The following NBAS variants were observed in gnomAD, a reference collection of about 807,000 sequenced individuals.
NBAS encodes NAG/BC035112 fusion.
Under a neutral mutation model 302.5 loss-of-function variants are expected in NBAS, and 219 were observed. The ratio of observed to expected loss-of-function variants is 0.72; its 90% CI spans 0.65 to 0.81. The LOEUF (loss-of-function observed/expected upper bound fraction) is 0.81, where lower values mean the gene tolerates loss of function less well. Ranked by LOEUF, NBAS falls within the 30% of genes least tolerant of loss-of-function variation. The probability of loss-of-function intolerance (pLI) is 0.00; values close to 1 mark genes in which losing one functional copy is unlikely to be tolerated. For synonymous variants in NBAS, 1,118 were observed against 1,021.6 expected (o/e 1.09, Z -1.80); for missense variants, 2,932 against 2,841.6 (o/e 1.03, Z -0.72).
chr2:14,810,981 G>A, the NBAS span, among the ~76,000 whole-genome samples: 1 of 152,352 alleles, frequency 6.6e-6, no homozygotes, highest in African/African-American at 2.4e-5. Flanking sequence ...CAGATCAGAA[G>A]TGAGGTAAGA....
the NBAS span, among the ~76,000 whole-genome samples, chr2:14,909,147 C>T: frequency 6.6e-6 from 1 of 151,698 alleles, no homozygotes; most frequent in African/African-American, 2.4e-5. Context: ...GGTGAAACCC[C>T]GTCTCTACTA....
chr2:15,144,425 T>A, the NBAS span, among the ~76,000 whole-genome samples: 1 of 152,240 alleles, frequency 6.6e-6, no homozygotes, highest in Non-Finnish European at 1.5e-5. Context: ...GAATGACTTT[T>A]ATGTTTGGCT....
chr2:14,887,129 C>A, the NBAS span, among the ~76,000 whole-genome samples: 452 of 152,284 alleles, frequency 3.0e-3, 9 homozygotes, highest in Non-Finnish European at 9.6e-4. Context: ...GGTGGCCAGG[C>A]ATGCTGGCTC....
chr2:15,183,455 A>G (rs1001975022), intron 50 of NBAS, among the ~76,000 whole-genome samples: 1 of 152,270 alleles, frequency 6.6e-6, no homozygotes, highest in African/African-American at 2.4e-5. Flanking sequence ...GATTTAACCC[A>G]GTACCTTGTC....
intron 11 of NBAS, among the ~76,000 whole-genome samples, chr2:15,492,475 G>A (rs905185958): frequency 1.3e-5 from 2 of 149,756 alleles, no homozygotes; most frequent in African/African-American, 2.5e-5. Flanking sequence ...ATTTATTTCT[G>A]AGACAGGATC....
intron 51 of NBAS, among the ~76,000 whole-genome samples, chr2:15,176,726 T>C (rs1558410775): frequency 6.6e-6 from 1 of 152,214 alleles, no homozygotes; most frequent in Non-Finnish European, 1.5e-5. Context: ...TTGAATGTCA[T>C]GTTGGTGTTC....
At chr2:15,059,058 G>A in the NBAS span, among the ~76,000 whole-genome samples, 2 of 152,144 alleles carry the variant, frequency 1.3e-5, no homozygotes, top group African/African-American at 4.8e-5. Context: ...TCTCTGTTCA[G>A]CCCCTGTTTT....
intron 42 of NBAS, among the ~76,000 whole-genome samples, chr2:15,279,255 A>T (rs1669724365): frequency 6.6e-6 from 1 of 152,174 alleles, no homozygotes; most frequent in African/African-American, 2.4e-5. Flanking sequence ...TTGGGTAATT[A>T]TCAACTTATA....
the NBAS span, among the ~76,000 whole-genome samples, chr2:14,992,225 G>T: frequency 6.6e-6 from 1 of 152,106 alleles, no homozygotes; most frequent in Non-Finnish European, 1.5e-5. Flanking sequence ...AGTCCTAGTG[G>T]GTCTTTCTCA....
At chr2:15,169,101 G>A (rs1035724821) in intron 51 of NBAS, among the ~76,000 whole-genome samples, 3 of 152,080 alleles carry the variant, frequency 2.0e-5, no homozygotes, top group Admixed American at 1.3e-4. Flanking sequence ...ACAAGTACAC[G>A]ATAAAGACCC....
chr2:15,067,469 G>A, the NBAS span, among the ~76,000 whole-genome samples: 1 of 132,570 alleles, frequency 7.5e-6, no homozygotes, highest in Non-Finnish European at 1.6e-5. Flanking sequence ...GGAGGGGAGA[G>A]GAGGGGAGAG....
At chr2:14,897,957 G>T in the NBAS span, among the ~76,000 whole-genome samples, 1 of 152,138 alleles carries the variant, frequency 6.6e-6, no homozygotes, top group African/African-American at 2.4e-5. Context: ...TCCTGGCTGG[G>T]CCAGAGTGAG....
intron 12 of NBAS, among the ~76,000 whole-genome samples, chr2:15,481,240 T>C (rs1680414841): frequency 6.6e-6 from 1 of 152,254 alleles, no homozygotes; most frequent in Non-Finnish European, 1.5e-5. Context: ...AATGGACATC[T>C]GCATTGTTTC....
At chr2:14,927,613 T>C in the NBAS span, among the ~76,000 whole-genome samples, 1 of 152,198 alleles carries the variant, frequency 6.6e-6, no homozygotes, top group Non-Finnish European at 1.5e-5. Flanking sequence ...TAATTCCATG[T>C]TTAATTTTTT....
intron 6 of NBAS, among the ~76,000 whole-genome samples, 162 bp from the exon 7 acceptor site, chr2:15,539,518 A>C (rs1162926156): frequency 6.6e-6 from 1 of 152,244 alleles, no homozygotes; most frequent in Non-Finnish European, 1.5e-5. Flanking sequence ...AGTTTCCAGA[A>C]ACACACTTCA....
chr2:15,094,171 C>A, the NBAS span, among the ~76,000 whole-genome samples: 2 of 152,158 alleles, frequency 1.3e-5, no homozygotes, highest in African/African-American at 2.4e-5. Context: ...ATAAAAAAGT[C>A]ATTTGCCTAG....
chr2:14,977,460 C>T, the NBAS span, among the ~76,000 whole-genome samples: 16 of 152,110 alleles, frequency 1.1e-4, no homozygotes, highest in African/African-American at 3.4e-4. Context: ...TTAGAAATAT[C>T]GTAAGGTTTG....
the NBAS span, among the ~76,000 whole-genome samples, chr2:15,151,599 GT>G: frequency 6.6e-6 from 1 of 152,214 alleles, no homozygotes; most frequent in Admixed American, 6.5e-5. Flanking sequence ...TAACACCTGT[GT>G]GTGATAGTTA....
chr2:15,069,587 T>C, the NBAS span, among the ~76,000 whole-genome samples: 1 of 151,544 alleles, frequency 6.6e-6, no homozygotes, highest in Non-Finnish European at 1.5e-5. Flanking sequence ...GTAAAAGAGA[T>C]AGCAAAAATG....
Sources: allele counts gnomAD v4.1 joint callset (sites outside exome capture counted in the v4.1 genomes callset), GRCh38; gene constraint gnomAD v4.1.1; transcripts MANE v1.5; gene names NCBI Gene and HGNC (gene_info 2026-07-23, HGNC 2026-07-21).